The following XKR6 variants were observed in gnomAD, a reference collection of about 807,000 sequenced individuals.
The protein encoded by XKR6 is XK related 6.
Under a neutral mutation model 56.7 loss-of-function variants are expected in XKR6, and 22 were observed. That is an observed-to-expected ratio of 0.39 (90% CI 0.28 to 0.55). The LOEUF (loss-of-function observed/expected upper bound fraction) is 0.55. Ranked by LOEUF, XKR6 falls within the 20% of genes least tolerant of loss-of-function variation. The pLI, the probability that XKR6 is intolerant of heterozygous loss-of-function variation, is 0.66. For synonymous variants in XKR6, 524 were observed against 387.8 expected (o/e 1.35, Z -4.13); for missense variants, 852 against 889.0 (o/e 0.96, Z 0.53).
intron 1 of XKR6, chr8:11,108,532 C>G (rs559156886): frequency 2.8e-6 from 1 of 362,824 alleles, no homozygotes; most frequent in Admixed American, 3.8e-5. Context: ...GAGGCATTGC[C>G]TAGGAGGACT....
chr8:11,005,039 C>A (rs1346969452), intron 1 of XKR6, among the ~76,000 whole-genome samples: 2 of 152,096 alleles, frequency 1.3e-5, no homozygotes, highest in African/African-American at 4.8e-5. Flanking sequence ...CCCTCTGCAA[C>A]CTTATCCATG....
chr8:10,912,000 TATATAG>T (rs1800389312), intron 2 of XKR6, among the ~76,000 whole-genome samples: 1 of 149,484 alleles, frequency 6.7e-6, no homozygotes, highest in Admixed American at 6.7e-5. Context: ...AATATATATA[TATATAG>T]AGAGAGAGAG....
chr8:10,941,341 C>G (rs1045578141), intron 1 of XKR6, among the ~76,000 whole-genome samples: 1 of 152,220 alleles, frequency 6.6e-6, no homozygotes, highest in African/African-American at 2.4e-5. Context: ...CTTAGGAGCA[C>G]TCAGCACTTG....
chr8:11,150,864 A>AG (rs1308161552), intron 1 of XKR6, among the ~76,000 whole-genome samples: 6 of 98,460 alleles, frequency 6.1e-5, no homozygotes, highest in African/African-American at 1.6e-4. Flanking sequence ...AAAAAAAAAA[A>AG]AAAAAAAAAA....
intron 1 of XKR6, among the ~76,000 whole-genome samples, chr8:11,033,465 G>C (rs1040132492): frequency 6.6e-6 from 1 of 152,016 alleles, no homozygotes; most frequent in African/African-American, 2.4e-5. Flanking sequence ...TGATGGTAAT[G>C]ATGGTGATGA....
intron 1 of XKR6, among the ~76,000 whole-genome samples, chr8:11,067,567 T>G (rs533608461): frequency 2.0e-5 from 3 of 152,244 alleles, no homozygotes; most frequent in Non-Finnish European, 2.9e-5. Context: ...CAAGCGATAA[T>G]AGACATTTCT....
At chr8:10,916,634 C>A (rs1001045910) in intron 2 of XKR6, among the ~76,000 whole-genome samples, 1 of 152,196 alleles carries the variant, frequency 6.6e-6, no homozygotes, top group Non-Finnish European at 1.5e-5. Flanking sequence ...CAGGCTTTAC[C>A]CATAGAAGGG....
intron 1 of XKR6, among the ~76,000 whole-genome samples, chr8:10,988,311 C>G (rs921170581): frequency 3.9e-5 from 6 of 152,182 alleles, no homozygotes; most frequent in African/African-American, 1.2e-4. Context: ...AGTAGGTGTT[C>G]CATTAATTTT....
At chr8:11,013,188 T>G (rs1181987244) in intron 1 of XKR6, among the ~76,000 whole-genome samples, 5 of 152,244 alleles carry the variant, frequency 3.3e-5, no homozygotes. Flanking sequence ...AGATACCATC[T>G]ATATCTTCAT....
intron 1 of XKR6, among the ~76,000 whole-genome samples, chr8:11,068,066 C>A (rs2129166165): frequency 6.6e-6 from 1 of 152,336 alleles, no homozygotes; most frequent in Non-Finnish European, 1.5e-5. Context: ...CCAGGGCCGG[C>A]CTCAGCACCT....
chr8:10,939,083 G>C (rs946406932), intron 1 of XKR6, among the ~76,000 whole-genome samples: 6 of 152,098 alleles, frequency 3.9e-5, no homozygotes, highest in African/African-American at 1.4e-4. Context: ...CCCAGGACCT[G>C]CTTCTGCAGC....
intron 2 of XKR6, among the ~76,000 whole-genome samples, chr8:10,919,414 C>T (rs1244092023): frequency 6.6e-6 from 1 of 152,184 alleles, no homozygotes; most frequent in Admixed American, 6.5e-5. Flanking sequence ...GCTGTGTCCC[C>T]AGACAGAATG....
chr8:11,161,557 G>T (rs916345130), intron 1 of XKR6, among the ~76,000 whole-genome samples: 7 of 152,100 alleles, frequency 4.6e-5, no homozygotes, highest in African/African-American at 1.7e-4. Context: ...CCCATGCTGG[G>T]GCACACTCAC....
chr8:10,910,124 G>A (rs1586292410), intron 2 of XKR6, among the ~76,000 whole-genome samples: 2 of 152,036 alleles, frequency 1.3e-5, no homozygotes, highest in South Asian at 4.2e-4. Flanking sequence ...GTCACAACTC[G>A]GGGTGCAGGT....
At chr8:11,108,683 G>A (rs978179263) in intron 1 of XKR6, 4 of 215,562 alleles carry the variant, frequency 1.9e-5, no homozygotes, top group East Asian at 1.5e-4. Flanking sequence ...AGCAATGAGC[G>A]ACCTTCAAGA....
intron 1 of XKR6, among the ~76,000 whole-genome samples, chr8:10,926,543 G>A (rs182752550): frequency 1.3e-5 from 2 of 152,332 alleles, no homozygotes; most frequent in East Asian, 3.9e-4. Flanking sequence ...CAACCAGAGT[G>A]AGGCTGGCAT....
In XKR6 at chr8:11,093,555, CAGATGTTGGCAACA is replaced by C. The variant is rs1798156143; in HGVS notation, c.764+107007_764+107020del. On this transcript the variant is annotated intron_variant, in intron 1 of 2. Coordinates refer to ENST00000416569, the MANE Select transcript of XKR6 (RefSeq NM_173683.4). ...TCCTTAGTCTCTTAGTTATAATAGC[CAGATGTTGGCAACA>C]TGGTCCTTTTCTTCTTCTTGAAATT... 2.6e-5 allele frequency among the ~76,000 whole-genome samples: 4 copies of C among 152,300 alleles called. No homozygotes were observed. In the South Asian group the frequency reaches 8.3e-4, roughly 32 times the overall value.
At chr8:10,939,591 T>C (rs927985656) in intron 1 of XKR6, among the ~76,000 whole-genome samples, 4 of 152,226 alleles carry the variant, frequency 2.6e-5, no homozygotes, top group African/African-American at 9.6e-5. Context: ...TTCAGAAACC[T>C]GATTCTATGA....
intron 1 of XKR6, among the ~76,000 whole-genome samples, chr8:11,093,372 C>T (rs1798147988): frequency 6.6e-6 from 1 of 152,072 alleles, no homozygotes; most frequent in Admixed American, 6.6e-5. Flanking sequence ...AGCTTTCTAG[C>T]CCAGCTTTTA....
Sources: gnomAD v4.1 joint callset for allele counts (sites outside exome capture counted in the v4.1 genomes callset) on GRCh38, gnomAD v4.1.1 for gene constraint, MANE v1.5 for transcripts, NCBI Gene and HGNC (gene_info 2026-07-23, HGNC 2026-07-21) for gene names.